The following PCDHA11 variants were observed in gnomAD, a reference collection of about 807,000 sequenced individuals.
PCDHA11 encodes protocadherin alpha-11.
A neutral mutation model predicts 70.3 loss-of-function variants in PCDHA11; 61 were observed. The observed-to-expected ratio is 0.87, with a 90% CI of 0.71 to 1.07. The LOEUF is 1.07. PCDHA11 is among the 50% of genes least tolerant of loss of function. The pLI, the probability that PCDHA11 is intolerant of heterozygous loss-of-function variation, is 0.00. For missense variants in PCDHA11, 1,324 were observed against 1,237.5 expected (o/e 1.07, Z -1.05); for synonymous variants, 633 against 555.1 (o/e 1.14, Z -1.97).
intron 1 of PCDHA11, among the ~76,000 whole-genome samples, chr5:140,959,108 C>T (rs1299073504): frequency 1.3e-5 from 2 of 151,918 alleles, no homozygotes; most frequent in East Asian, 3.9e-4. Flanking sequence ...AGCAGGGGTC[C>T]GAAGGTGGGC....
rs574302735 is a variant in PCDHA11 at position 140,870,426 on chromosome 5, C to G, written c.1323C>G (p.Ser441=). The change falls in exon 1 of 4, where the codon TCC becomes TCG. Residue 441 remains serine, a synonymous_variant. Coordinates refer to ENST00000398640, the MANE Select transcript of PCDHA11 (RefSeq NM_018902.5). ...SPSLWATARV[S]VEVADVNDNA... ...CTCTGTGGGCCACGGCCAGGGTATC[C>G]GTGGAGGTGGCCGACGTGAACGACA... The G allele has an allele frequency of 6.2e-7, 1 of 1,614,208 alleles. No individual in the cohort carries two copies. The highest frequency in any genetic ancestry group is 1.3e-5 in the African/African-American group (1 of 75,058).
intron 1 of PCDHA11, chr5:140,877,081 G>A: frequency 6.2e-7 from 1 of 1,613,120 alleles, no homozygotes; most frequent in Non-Finnish European, 8.5e-7. Flanking sequence ...CCAGGTGAGC[G>A]CGCGCGACGC....
chr5:140,882,002 G>A (rs2153382146), intron 1 of PCDHA11: 1 of 489,088 alleles, frequency 2.0e-6, no homozygotes, highest in South Asian at 5.2e-5. Context: ...AAATGCAAGG[G>A]GCAAAAAAAT....
chr5:140,962,050 A>AT (rs1207278188), intron 1 of PCDHA11, among the ~76,000 whole-genome samples: 3 of 151,684 alleles, frequency 2.0e-5, no homozygotes, highest in African/African-American at 7.3e-5. Context: ...TGCCTGGCTA[A>AT]TTTTTTTGTA....
chr5:140,871,657 T>A, intron 1 of PCDHA11, 163 bp downstream of exon 1: 1 of 1,228,196 alleles, frequency 8.1e-7, no homozygotes, highest in Non-Finnish European at 1.1e-6. Context: ...ATGATACACA[T>A]CTTCAGTCTT....
chr5:140,877,150 G>A (rs370292278), intron 1 of PCDHA11: 11 of 1,613,672 alleles, frequency 6.8e-6, no homozygotes, highest in Admixed American at 3.3e-5. Context: ...GGACGAGAAC[G>A]ACAACGCGCC....
intron 1 of PCDHA11, chr5:140,928,160 C>T (rs782224079): frequency 1.2e-6 from 2 of 1,614,094 alleles, no homozygotes; most frequent in Non-Finnish European, 1.7e-6. Context: ...AGTGGCTCAC[C>T]CCCACTTAGC....
At chr5:140,994,704 C>CA (rs1294993555) in intron 3 of PCDHA11, among the ~76,000 whole-genome samples, 3 of 150,616 alleles carry the variant, frequency 2.0e-5, no homozygotes, top group African/African-American at 4.9e-5. Flanking sequence ...GACCCTGTCT[C>CA]AAAAAAAAAT....
chr5:140,988,156 C>A (rs546335543), intron 3 of PCDHA11, among the ~76,000 whole-genome samples: 1 of 152,054 alleles, frequency 6.6e-6, no homozygotes, highest in Non-Finnish European at 1.5e-5. Flanking sequence ...CAACTTCTGC[C>A]GTTGTCATAG....
chr5:141,006,351 A>G (rs537027677), intron 3 of PCDHA11, among the ~76,000 whole-genome samples: 1 of 151,966 alleles, frequency 6.6e-6, no homozygotes, highest in Non-Finnish European at 1.5e-5. Flanking sequence ...AGCTGGGACT[A>G]TAGGCGCCCA....
At chr5:140,888,624 C>T (rs2061910720) in intron 1 of PCDHA11, among the ~76,000 whole-genome samples, 1 of 152,198 alleles carries the variant, frequency 6.6e-6, no homozygotes, top group Non-Finnish European at 1.5e-5. Flanking sequence ...CTAATTCGGC[C>T]TTCTATTACA....
At chr5:140,876,815 T>A in intron 1 of PCDHA11, 2 of 1,614,148 alleles carry the variant, frequency 1.2e-6, no homozygotes, top group Non-Finnish European at 1.7e-6. Flanking sequence ...GTGGCCGACG[T>A]GAACGACAAT....
intron 1 of PCDHA11, among the ~76,000 whole-genome samples, chr5:140,920,731 C>G (rs2079790420): frequency 6.6e-6 from 1 of 151,924 alleles, no homozygotes; most frequent in African/African-American, 2.4e-5. Flanking sequence ...GCAGTCCCAG[C>G]TACTCAGGAG....
intron 1 of PCDHA11, chr5:140,929,578 TA>T: frequency 2.2e-6 from 1 of 445,404 alleles, no homozygotes; most frequent in Non-Finnish European, 4.0e-6. Flanking sequence ...ATAAAAGTAA[TA>T]TGACATAAAG....
chr5:140,965,401 A>C (rs546046699), intron 1 of PCDHA11, among the ~76,000 whole-genome samples: 1 of 152,166 alleles, frequency 6.6e-6, no homozygotes, highest in Non-Finnish European at 1.5e-5. Flanking sequence ...AAGTCTAAGG[A>C]GTCTTATATT....
In PCDHA11 at chr5:140,876,831, T is replaced by G. The variant is rs201991889; in HGVS notation, c.2391+5337T>G. Reference sequence around the variant, plus strand: ...TGGCCGACGTGAACGACAATGCGCCTGCGTTCGCGCAGCCCGAGTACACAG... The same window carrying G: ...TGGCCGACGTGAACGACAATGCGCCGGCGTTCGCGCAGCCCGAGTACACAG... On this transcript the variant is annotated intron_variant, in intron 1 of 3. Coordinates refer to ENST00000398640, the MANE Select transcript of PCDHA11 (RefSeq NM_018902.5). 1.5e-4 allele frequency: 250 copies of G among 1,614,080 alleles called. 4 individuals are homozygous for G. In the East Asian group the frequency reaches 3.4e-3, roughly 22 times the overall value.
chr5:140,909,343 C>G (rs148713510), intron 1 of PCDHA11, among the ~76,000 whole-genome samples: 2 of 152,264 alleles, frequency 1.3e-5, no homozygotes, highest in African/African-American at 4.8e-5. Context: ...ATACCAGGTA[C>G]CAAGAGATGT....
intron 1 of PCDHA11, chr5:140,875,737 C>G: frequency 2.5e-6 from 4 of 1,614,224 alleles, no homozygotes; most frequent in Non-Finnish European, 3.4e-6. Flanking sequence ...TGTGAATTCT[C>G]GGATCGACCG....
At chr5:140,959,712 T>G (rs166567) in intron 1 of PCDHA11, among the ~76,000 whole-genome samples, 1 of 152,020 alleles carries the variant, frequency 6.6e-6, no homozygotes, top group African/African-American at 2.4e-5. Flanking sequence ...AAAGGGAAAA[T>G]TTTTAGATAA....
Sources: gnomAD v4.1 joint callset for allele counts (sites outside exome capture counted in the v4.1 genomes callset) on GRCh38, gnomAD v4.1.1 for gene constraint, MANE v1.5 for transcripts, NCBI Gene and HGNC (gene_info 2026-07-23, HGNC 2026-07-21) for gene names.